Variants in DLEU7 observed in about 807,000 individuals in gnomAD.
The protein encoded by DLEU7 is leukemia-associated protein 7.
DLEU7 carries 17 observed loss-of-function variants against 16.0 expected under a neutral mutation model. The ratio of observed to expected loss-of-function variants is 1.06; its 90% CI spans 0.73 to 1.59. The LOEUF (loss-of-function observed/expected upper bound fraction) is 1.59, where lower values mean the gene tolerates loss of function less well. Ranked by LOEUF, DLEU7 falls within the 40% of genes most tolerant of loss-of-function variation. DLEU7 has a pLI of 0.00. For missense variants in DLEU7, 308 were observed against 314.9 expected (o/e 0.98, Z 0.17); for synonymous variants, 113 against 139.8 (o/e 0.81, Z 1.35).
intron 1 of DLEU7, among the ~76,000 whole-genome samples, chr13:50,835,809 A>G (rs1207256930): frequency 1.3e-5 from 2 of 152,214 alleles, no homozygotes; most frequent in African/African-American, 4.8e-5. Flanking sequence ...ACAACTGAAA[A>G]TGCACCTGCA....
chr13:50,780,268 C>T (rs1194665693), intron 1 of DLEU7, among the ~76,000 whole-genome samples: 1 of 152,180 alleles, frequency 6.6e-6, no homozygotes, highest in African/African-American at 2.4e-5. Context: ...TCCTAGATAG[C>T]AGTTTCTGCA....
At chr13:50,808,444 C>T (rs1876460469) in intron 1 of DLEU7, 1 of 152,102 alleles carries the variant, frequency 6.6e-6, no homozygotes, top group Non-Finnish European at 1.5e-5. Flanking sequence ...GCAAGAAGTA[C>T]CAAGTGTTTC....
At chr13:50,839,401 A>G (rs1169229683) in intron 1 of DLEU7, among the ~76,000 whole-genome samples, 2 of 152,218 alleles carry the variant, frequency 1.3e-5, no homozygotes, top group Non-Finnish European at 2.9e-5. Flanking sequence ...TTGCATGTGT[A>G]TGATCATTTC....
At chr13:50,770,634 G>A (rs551593155) in intron 1 of DLEU7, among the ~76,000 whole-genome samples, 1 of 152,176 alleles carries the variant, frequency 6.6e-6, no homozygotes, top group Non-Finnish European at 1.5e-5. Flanking sequence ...ACTTGATCGT[G>A]GTGGATAAGC....
chr13:50,771,051 G>A (rs1875291476), intron 1 of DLEU7, among the ~76,000 whole-genome samples: 1 of 152,152 alleles, frequency 6.6e-6, no homozygotes, highest in African/African-American at 2.4e-5. Context: ...TAGTTTATTT[G>A]TGCAGAGGTG....
intron 1 of DLEU7, among the ~76,000 whole-genome samples, chr13:50,770,840 A>G (rs978678464): frequency 1.3e-5 from 2 of 152,182 alleles, no homozygotes; most frequent in African/African-American, 4.8e-5. Context: ...TTCAGAAGGA[A>G]TGGTACCAGC....
At chr13:50,842,389 G>C (rs1415232675) in intron 1 of DLEU7, among the ~76,000 whole-genome samples, 1 of 152,170 alleles carries the variant, frequency 6.6e-6, no homozygotes, top group Non-Finnish European at 1.5e-5. Flanking sequence ...GAATGTCTCA[G>C]AGAGATTCGT....
downstream of DLEU7, chr13:50,711,376 A>G (rs1873280357): frequency 6.6e-6 from 1 of 152,242 alleles, no homozygotes; most frequent in African/African-American, 2.4e-5. Flanking sequence ...TAACACTTTC[A>G]GTAGATCTTG....
chr13:50,800,216 AC>A (rs1240480682), intron 1 of DLEU7, among the ~76,000 whole-genome samples: 1 of 152,212 alleles, frequency 6.6e-6, no homozygotes, highest in Non-Finnish European at 1.5e-5. Flanking sequence ...TATGAAAAGG[AC>A]AGAGGTGGCA....
intron 1 of DLEU7, among the ~76,000 whole-genome samples, chr13:50,797,816 C>T (rs1407953244): frequency 6.6e-6 from 1 of 152,006 alleles, no homozygotes; most frequent in Non-Finnish European, 1.5e-5. Flanking sequence ...AAGTATAGAG[C>T]TCAGATTCTG....
At chr13:50,740,670 G>A (rs578050083) in intron 1 of DLEU7, among the ~76,000 whole-genome samples, 55 of 152,160 alleles carry the variant, frequency 3.6e-4, no homozygotes, top group African/African-American at 1.3e-3. Flanking sequence ...CCTATATGAG[G>A]CGATAGTCTC....
chr13:50,822,035 C>T (rs548577289), downstream of DLEU7, among the ~76,000 whole-genome samples: 3 of 152,192 alleles, frequency 2.0e-5, no homozygotes, highest in Admixed American at 1.3e-4. Flanking sequence ...TACACACACT[C>T]ATGCACATGT....
At chr13:50,713,201 C>G in exon 2 of DLEU7, 1 of 1,610,394 alleles carries the variant, frequency 6.2e-7, no homozygotes, top group Non-Finnish European at 8.5e-7. Context: ...TCCTCACACT[C>G]CTACAGTGAC....
chr13:50,711,772 C>CCGGGGGGGGGGGG, downstream of DLEU7: 127 of 72,770 alleles, frequency 1.7e-3, 26 homozygotes, highest in African/African-American at 3.8e-3. Context: ...GACCCAGTGG[C>CCGGGGGGGGGGGG]GGGGGCGGGG....
rs1877754830 is a variant in DLEU7 at position 50,843,492 on chromosome 13, C to T, written c.155G>A (p.Arg52His). 1 of 1,361,102 alleles carries T rather than the reference C, an allele frequency of 7.3e-7. No individual in the cohort carries two copies. Among genetic ancestry groups the T allele is most frequent in the East Asian group, 3.1e-5 (1 of 32,038 alleles). 84.3% of individuals were successfully genotyped at this position (1,361,102 alleles called of 1,614,324 possible). A position where few individuals can be genotyped will look rare whatever the true frequency, so the allele number is the denominator to read the frequency against. Residue 52 changes from arginine to histidine, a missense_variant, in exon 1 of 2, where the codon CGT becomes CAT. Coordinates refer to ENST00000504404, the MANE Select transcript of DLEU7 (RefSeq NM_001306135.2). This position sits in a 1 kb window ranked among gnomAD's most constrained non-coding sequence, Gnocchi z 5.7. ...DPDHVSTAPARRSGPPRARPG... is the reference protein window; with the variant it reads ...DPDHVSTAPAHRSGPPRARPG... ...CCGGGCCCGCGGCGGGCCTGAGCGACGGGCTGGAGCGGTGGACACGTGGTC... is the reference window on the plus strand; with the variant it reads ...CCGGGCCCGCGGCGGGCCTGAGCGATGGGCTGGAGCGGTGGACACGTGGTC...
intron 1 of DLEU7, among the ~76,000 whole-genome samples, chr13:50,746,849 T>C (rs1170602205): frequency 2.6e-5 from 4 of 152,178 alleles, no homozygotes; most frequent in Non-Finnish European, 5.9e-5. Context: ...GTCACTGAGC[T>C]GCAAGGCCTT....
intron 1 of DLEU7, among the ~76,000 whole-genome samples, chr13:50,756,921 T>C (rs1305637369): frequency 6.6e-6 from 1 of 152,172 alleles, no homozygotes; most frequent in African/African-American, 2.4e-5. Flanking sequence ...TGTATTTTGC[T>C]GGGCTCTCTA....
intron 1 of DLEU7, among the ~76,000 whole-genome samples, chr13:50,838,458 G>A (rs759510241): frequency 2.6e-5 from 4 of 152,182 alleles, no homozygotes; most frequent in Admixed American, 6.5e-5. Flanking sequence ...CTTGGCTAAC[G>A]GTCCATATGT....
At chr13:50,745,831 A>G (rs1874378116) in intron 1 of DLEU7, among the ~76,000 whole-genome samples, 1 of 152,154 alleles carries the variant, frequency 6.6e-6, no homozygotes, top group Non-Finnish European at 1.5e-5. Flanking sequence ...ATTTAATAGG[A>G]AAGACAGGAT....
Sources: allele counts gnomAD v4.1 joint callset (sites outside exome capture counted in the v4.1 genomes callset), GRCh38; gene constraint gnomAD v4.1.1; non-coding constraint Gnocchi (gnomAD v3.1); transcripts MANE v1.5; gene names NCBI Gene and HGNC (gene_info 2026-07-23, HGNC 2026-07-21).